The following HEATR5B variants were observed in gnomAD, a reference collection of about 807,000 sequenced individuals.
HEATR5B encodes the protein HEAT repeat containing 5B, also known as HEAT repeat-containing protein 5B.
In HEATR5B, 156 loss-of-function variants were observed where a neutral mutation model predicts 224.1. The ratio of observed to expected loss-of-function variants is 0.70; its 90% CI spans 0.61 to 0.80. The LOEUF is 0.80. Among genes scored for constraint, HEATR5B ranks in the 30% least tolerant of loss-of-function variants. The pLI is 0.00. For missense variants in HEATR5B, 2,323 were observed against 2,535.5 expected (o/e 0.92, Z 1.80); for synonymous variants, 1,027 against 893.0 (o/e 1.15, Z -2.68).
rs1474486909 is a variant in HEATR5B at position 37,000,667 on chromosome 2, T to G, written c.5464A>C (p.Lys1822Gln). Residue 1822 changes from lysine (K) to glutamine (Q), a missense_variant, in exon 33 of 36, where the codon AAA becomes CAA. Physicochemically the swap from Lys to Gln is moderately conservative, Grantham distance 53. Coordinates refer to ENST00000233099, the MANE Select transcript of HEATR5B (RefSeq NM_019024.3). ...TGTTTTTGAACGCCAGCCTCAGTTT[T>G]GGCCATTGAAAGTGTCACAATACTT... ...IKSIVTLSMA[K>Q]TEAGVQKQWT... is the part of the protein sequence containing the mutation. 1 of 1,614,112 alleles carries G rather than the reference T, an allele frequency of 6.2e-7. No individual in the cohort carries two copies. Among genetic ancestry groups the G allele is most frequent in the African/African-American group, 1.3e-5 (1 of 74,942 alleles).
chr2:36,986,280 C>T (rs1665942955), intron 35 of HEATR5B, among the ~76,000 whole-genome samples: 1 of 152,196 alleles, frequency 6.6e-6, no homozygotes, highest in East Asian at 1.9e-4. Context: ...AATTTATCAA[C>T]TTCTCCAAAC....
intron 3 of HEATR5B, 88 bp from the exon 4 acceptor site, chr2:37,077,107 T>C: frequency 1.8e-6 from 2 of 1,123,748 alleles, no homozygotes; most frequent in Non-Finnish European, 2.6e-6. Context: ...TTTGCATTTG[T>C]CTAGGACACT....
At chr2:37,067,456 G>C (rs1385863866) in intron 8 of HEATR5B, among the ~76,000 whole-genome samples, 1 of 152,076 alleles carries the variant, frequency 6.6e-6, no homozygotes, top group Non-Finnish European at 1.5e-5. Context: ...ATAATTTTCA[G>C]TTAGCTCTAT....
chr2:36,989,701 G>C (rs908768609), intron 34 of HEATR5B, among the ~76,000 whole-genome samples: 5 of 152,000 alleles, frequency 3.3e-5, no homozygotes, highest in African/African-American at 1.2e-4. Context: ...AAGGAAAGAA[G>C]GAAGAGAGGG....
At chr2:36,983,056 T>C (rs1302076273) in intron 35 of HEATR5B, among the ~76,000 whole-genome samples, 2 of 152,200 alleles carry the variant, frequency 1.3e-5, no homozygotes. Flanking sequence ...CCAGTAACTA[T>C]GCTTTGAATG....
intron 29 of HEATR5B, 133 bp downstream of exon 29, chr2:37,006,917 G>A: frequency 1.4e-6 from 1 of 711,982 alleles, no homozygotes; most frequent in Non-Finnish European, 2.2e-6. Flanking sequence ...TTTATAAGGT[G>A]AGGTGAAAAA....
chr2:37,070,001 G>A (rs552900345), intron 7 of HEATR5B, among the ~76,000 whole-genome samples: 17 of 151,306 alleles, frequency 1.1e-4, no homozygotes, highest in Admixed American at 4.6e-4. Context: ...TAGTTGAAGC[G>A]ATTCTCCTGC....
chr2:37,051,685 C>T (rs186510830), intron 17 of HEATR5B, among the ~76,000 whole-genome samples: 99 of 152,276 alleles, frequency 6.5e-4, no homozygotes, highest in African/African-American at 2.3e-3. Flanking sequence ...TGATGGTCTC[C>T]TCAGAGTACA....
chr2:37,028,804 C>G lies in HEATR5B; in HGVS notation c.3478G>C (p.Glu1160Gln). The change falls in exon 23 of 36, where the codon GAG becomes CAG. Residue 1160 changes from glutamate to glutamine, a missense_variant. This residue lies in a region of HEATR5B where 339 missense variants were observed against 378.4 expected (regional missense o/e 0.90). Coordinates refer to ENST00000233099, the MANE Select transcript of HEATR5B (RefSeq NM_019024.3). ...EGLLFGMLDRETDRKLCSDIH... is the reference protein window; with the variant it reads ...EGLLFGMLDRQTDRKLCSDIH... ...TCAGAACATAATTTTCGATCTGTCT[C>G]CCGGTCTAGCATTCCAAAAAGAAGT... The G allele has an allele frequency of 6.2e-7, 1 of 1,614,110 alleles. No individual in the cohort carries two copies. Among genetic ancestry groups the G allele is most frequent in the Non-Finnish European group, 8.5e-7 (1 of 1,180,002 alleles).
rs769870687 is a variant in HEATR5B, at chr2:37,040,366, C to T, written c.3009G>A (p.Leu1003=). The change falls in exon 20 of 36, where the codon TTG becomes TTA. Residue 1003 remains leucine, a synonymous_variant. Transcript: ENST00000233099. ...GGCCAACAGTAGTTATTATAGCACC[C>T]AAGCATCGACCCAAACACTGATGAA... The part of the protein sequence containing the change: ...TEVHQCLGRC[L]GAIITTVGPE... 3.1e-6 allele frequency: 5 copies of T among 1,613,888 alleles called. No individual in the cohort carries two copies. Among genetic ancestry groups the T allele is most frequent in the Non-Finnish European group, 4.2e-6 (5 of 1,179,928 alleles).
At chr2:37,034,932 A>C (rs1669383733) in intron 21 of HEATR5B, among the ~76,000 whole-genome samples, 1 of 152,206 alleles carries the variant, frequency 6.6e-6, no homozygotes, top group African/African-American at 2.4e-5. Context: ...ATAACTAATT[A>C]CAAAGTTCAA....
intron 27 of HEATR5B, among the ~76,000 whole-genome samples, chr2:37,012,978 T>A (rs918603044): frequency 6.6e-6 from 1 of 152,266 alleles, no homozygotes. Flanking sequence ...TACCAGTTTG[T>A]CTTGCTCAGC....
intron 25 of HEATR5B, 138 bp downstream of exon 25, chr2:37,020,517 G>A: frequency 3.7e-6 from 2 of 534,164 alleles, no homozygotes; most frequent in South Asian, 8.2e-5. Flanking sequence ...CTAGGTAACA[G>A]ACAATGGAGA....
intron 33 of HEATR5B, among the ~76,000 whole-genome samples, chr2:36,998,545 A>G (rs1466647359): frequency 6.6e-6 from 1 of 152,230 alleles, no homozygotes; most frequent in Non-Finnish European, 1.5e-5. Context: ...TACATCCTAG[A>G]AAATCTCTCA....
chr2:37,024,458 C>G (rs1171658798), intron 24 of HEATR5B, among the ~76,000 whole-genome samples: 1 of 152,092 alleles, frequency 6.6e-6, no homozygotes, highest in Admixed American at 6.6e-5. Context: ...TTTAACTATT[C>G]TACAATGTAT....
At chr2:36,997,567 C>CTTTT (rs10699174) in intron 33 of HEATR5B, among the ~76,000 whole-genome samples, 44 of 129,544 alleles carry the variant, frequency 3.4e-4, no homozygotes, top group African/African-American at 5.0e-4. Context: ...CTCTGCCATT[C>CTTTT]TTTTTTTTTT....
chr2:37,074,352 A>G (rs1215881172), intron 5 of HEATR5B, among the ~76,000 whole-genome samples: 1 of 151,660 alleles, frequency 6.6e-6, no homozygotes, highest in African/African-American at 2.4e-5. Flanking sequence ...TGGTACTGGA[A>G]GAAGTGGATA....
intron 33 of HEATR5B, among the ~76,000 whole-genome samples, chr2:36,992,341 G>GA (rs1474909166): frequency 1.3e-5 from 2 of 152,170 alleles, no homozygotes; most frequent in African/African-American, 4.8e-5. Flanking sequence ...AGCACTTTGG[G>GA]AAACTGAATT....
At chr2:37,079,026 C>T (rs1311559767) in intron 3 of HEATR5B, 94 bp downstream of exon 3, 15 of 695,066 alleles carry the variant, frequency 2.2e-5, no homozygotes, top group Non-Finnish European at 1.7e-5. Flanking sequence ...CAGGTTCCAC[C>T]CACCTGGGGG....
Sources: allele counts gnomAD v4.1 joint callset (sites outside exome capture counted in the v4.1 genomes callset), GRCh38; gene constraint gnomAD v4.1.1; regional missense constraint gnomAD v4.1.1; transcripts MANE v1.5; gene names NCBI Gene and HGNC (gene_info 2026-07-23, HGNC 2026-07-21).